NSRP1: variants seen among roughly 807,000 people sequenced by gnomAD.
NSRP1 encodes the protein coiled-coil domain containing 55.
In NSRP1, 24 loss-of-function variants were observed where a neutral mutation model predicts 54.7. That is an observed-to-expected ratio of 0.44 (90% CI 0.32 to 0.62). The LOEUF (loss-of-function observed/expected upper bound fraction) is 0.62, where lower values mean the gene tolerates loss of function less well. Among genes scored for constraint, NSRP1 ranks in the 20% least tolerant of loss-of-function variants. The pLI, the probability that NSRP1 is intolerant of heterozygous loss-of-function variation, is 0.06. For missense variants in NSRP1, 596 were observed against 651.2 expected, an observed-to-expected ratio of 0.92 and a Z score of 0.92; for synonymous variants, 210 against 213.8, an observed-to-expected ratio of 0.98 and a Z score of 0.15.
chr17:30,135,001 T>TAC (rs138792380), intron 2 of NSRP1, among the ~76,000 whole-genome samples: 8,294 of 152,256 alleles, frequency 0.054, 327 homozygotes, highest in Non-Finnish European at 0.087. Flanking sequence ...TGTCCGGATA[T>TAC]ATATATATAT....
At chr17:30,175,639 A>C (rs1235055074) in intron 3 of NSRP1, among the ~76,000 whole-genome samples, 2 of 151,936 alleles carry the variant, frequency 1.3e-5, no homozygotes, top group Non-Finnish European at 2.9e-5. Context: ...TCTTCACCTC[A>C]GGAGATCCGC....
intron 3 of NSRP1, 39 bp downstream of exon 3, chr17:30,172,637 A>G: frequency 1.3e-6 from 2 of 1,523,598 alleles, no homozygotes; most frequent in Non-Finnish European, 9.0e-7. Context: ...TCAGTGAAGC[A>G]TTCCGGCTCA....
chr17:30,141,863 G>T (rs949583532), intron 2 of NSRP1, among the ~76,000 whole-genome samples: 1 of 152,158 alleles, frequency 6.6e-6, no homozygotes, highest in South Asian at 2.1e-4. Flanking sequence ...AATTAGCTGG[G>T]CATGGTGGCC....
chr17:30,128,413 A>G (rs569858794), intron 2 of NSRP1, among the ~76,000 whole-genome samples: 2 of 152,108 alleles, frequency 1.3e-5, no homozygotes, highest in East Asian at 3.9e-4. Flanking sequence ...ATTTTTTGCC[A>G]TCATATTAGC....
At chr17:30,176,101 GTTGTTGTT>G (rs1181085884) in intron 3 of NSRP1, among the ~76,000 whole-genome samples, 2 of 113,752 alleles carry the variant, frequency 1.8e-5, no homozygotes, top group East Asian at 3.9e-4. Flanking sequence ...TTTTGTTGTT[GTTGTTGTT>G]TTGTTTTGTT....
intron 2 of NSRP1, among the ~76,000 whole-genome samples, chr17:30,143,081 A>G (rs2071820940): frequency 6.6e-6 from 1 of 152,182 alleles, no homozygotes; most frequent in African/African-American, 2.4e-5. Context: ...AATCATACAC[A>G]TCTGCTTCCA....
intron 2 of NSRP1, among the ~76,000 whole-genome samples, chr17:30,165,574 C>G (rs534072391): frequency 6.6e-6 from 1 of 152,186 alleles, no homozygotes; most frequent in Admixed American, 6.5e-5. Context: ...TGTATCTTGC[C>G]ATTTGATTAT....
chr17:30,171,921 CT>C (rs2143008320), intron 2 of NSRP1, among the ~76,000 whole-genome samples: 2 of 149,926 alleles, frequency 1.3e-5, no homozygotes, highest in South Asian at 4.2e-4. Flanking sequence ...CTAGACCAGT[CT>C]TTCCCCATTT....
chr17:30,162,114 T>C (rs954678256), intron 2 of NSRP1, among the ~76,000 whole-genome samples: 1 of 151,132 alleles, frequency 6.6e-6, no homozygotes, highest in African/African-American at 2.4e-5. Flanking sequence ...CTCCTCCATC[T>C]CCCAGGTTCA....
intron 2 of NSRP1, among the ~76,000 whole-genome samples, chr17:30,163,757 C>G (rs900695727): frequency 1.3e-5 from 2 of 148,324 alleles, no homozygotes; most frequent in African/African-American, 4.9e-5. Context: ...TCTCAGCTCA[C>G]TGCAACCTCC....
intron 2 of NSRP1, among the ~76,000 whole-genome samples, chr17:30,138,647 A>C (rs2071770935): frequency 6.6e-6 from 1 of 152,104 alleles, no homozygotes; most frequent in Non-Finnish European, 1.5e-5. Flanking sequence ...CATAGATGGA[A>C]CCCACAGATA....
rs759749191 is a variant in NSRP1, at chr17:30,169,628, A to G, written c.115-2914A>G. Among the ~76,000 whole-genome samples the G allele has an allele frequency of 3.9e-5, 6 of 152,264 alleles. No homozygotes were observed. In the South Asian group the frequency reaches 1.2e-3, roughly 32 times the overall value. The stretch of plus-strand genomic sequence containing the variant: ...TCAGTAATACATGTAATACACAACT[A>G]GTATACTTAGCATAGCACCTAGCTC... On this transcript the variant is annotated intron_variant, in intron 2 of 6. Transcript: ENST00000247026.
intron 2 of NSRP1, among the ~76,000 whole-genome samples, chr17:30,140,783 C>T (rs1050398397): frequency 5.3e-5 from 8 of 151,982 alleles, no homozygotes; most frequent in African/African-American, 7.2e-5. Context: ...ACTCCTTGGC[C>T]GCCCAAAGTG....
At chr17:30,173,733 A>G (rs1414862383) in intron 3 of NSRP1, among the ~76,000 whole-genome samples, 2 of 152,240 alleles carry the variant, frequency 1.3e-5, no homozygotes. Flanking sequence ...AGTTAAGGAA[A>G]TGAAGGCAAG....
chr17:30,175,408 GTTTTTTGTTT>G (rs1567805611), intron 3 of NSRP1, among the ~76,000 whole-genome samples: 1 of 151,610 alleles, frequency 6.6e-6, no homozygotes, highest in Non-Finnish European at 1.5e-5. Context: ...GTTTTTTGGG[GTTTTTTGTTT>G]TGTTTTGTTT....
At chr17:30,177,384 A>G (rs998365360) in intron 3 of NSRP1, among the ~76,000 whole-genome samples, 1 of 151,792 alleles carries the variant, frequency 6.6e-6, no homozygotes, top group African/African-American at 2.4e-5. Flanking sequence ...TTAAAAAAAA[A>G]AAAAATCTAG....
intron 2 of NSRP1, among the ~76,000 whole-genome samples, chr17:30,161,439 A>G (rs2143006019): frequency 6.6e-6 from 1 of 152,296 alleles, no homozygotes; most frequent in East Asian, 1.9e-4. Context: ...GCTTTATAAT[A>G]TATCTAATGC....
chr17:30,139,440 A>G (rs1428440845), intron 2 of NSRP1, among the ~76,000 whole-genome samples: 5 of 152,158 alleles, frequency 3.3e-5, no homozygotes, highest in East Asian at 1.9e-4. Context: ...CTAAGAAATC[A>G]TTACCAGATC....
intron 2 of NSRP1, among the ~76,000 whole-genome samples, chr17:30,171,831 G>A (rs1178042522): frequency 1.3e-5 from 2 of 151,802 alleles, no homozygotes; most frequent in Admixed American, 1.3e-4. Context: ...ACTATATTGA[G>A]TGGTGAATAT....
Sources: gnomAD v4.1 joint callset for allele counts (sites outside exome capture counted in the v4.1 genomes callset) on GRCh38, gnomAD v4.1.1 for gene constraint, MANE v1.5 for transcripts, NCBI Gene and HGNC (gene_info 2026-07-23, HGNC 2026-07-21) for gene names.